Variants in PIEZO1 observed in about 807,000 individuals in gnomAD.
PIEZO1 encodes piezo type mechanosensitive ion channel component 1 (Er blood group).
A neutral mutation model predicts 297.2 loss-of-function variants in PIEZO1; 296 were observed. That is an observed-to-expected ratio of 1.00 (90% CI 0.91 to 1.10). The LOEUF (loss-of-function observed/expected upper bound fraction) is 1.10. Among genes scored for constraint, PIEZO1 ranks in the 50% least tolerant of loss-of-function variants. The pLI, the probability that PIEZO1 is intolerant of heterozygous loss-of-function variation, is 0.00. For synonymous variants in PIEZO1, 2,427 were observed against 1,507.5 expected, an observed-to-expected ratio of 1.61 and a Z score of -14.13; for missense variants, 5,018 against 3,455.5, an observed-to-expected ratio of 1.45 and a Z score of -11.34.
In PIEZO1 at chr16:88,734,008, C is replaced by G. The variant is rs947472326; in HGVS notation, c.2227G>C (p.Glu743Gln). 2 of 1,547,858 alleles carry G rather than the reference C, an allele frequency of 1.3e-6. No homozygotes were observed. The highest frequency in any genetic ancestry group is 2.4e-5 in the South Asian group (2 of 83,908). The change falls in exon 17 of 51, where the codon GAG becomes CAG. Residue 743 changes from glutamate to glutamine, a missense_variant. Physicochemically the swap from Glu to Gln is conservative, Grantham distance 29. Coordinates refer to ENST00000301015, the MANE Select transcript of PIEZO1 (RefSeq NM_001142864.4). ...GTPLLREEQQEHQQQQQEEEE... is the reference protein window; with the variant it reads ...GTPLLREEQQQHQQQQQEEEE... Reference sequence around the variant, plus strand: ...TCCTCCTGCTGCTGCTGCTGATGCTCCTGCTGCTCCTCCCGCAGCAGTGGG... The same window carrying G: ...TCCTCCTGCTGCTGCTGCTGATGCTGCTGCTGCTCCTCCCGCAGCAGTGGG...
At position 88,717,140 on chromosome 16, in the gene PIEZO1, GA is replaced by G. The variant is rs1912106021; in HGVS notation, c.6542del (p.Leu2181ProfsTer34). 6.4e-7 allele frequency: 1 copy of G among 1,551,240 alleles called. No homozygotes were observed. Among genetic ancestry groups the G allele is most frequent in the Non-Finnish European group, 8.7e-7 (1 of 1,147,218 alleles). On this transcript the variant is annotated frameshift_variant, in exon 45 of 51. Coordinates refer to ENST00000301015, the MANE Select transcript of PIEZO1 (RefSeq NM_001142864.4). LOFTEE classifies it high-confidence loss of function. ...GGAACCAGATGATGGCGATGAGGAA[GA>G]GGATGATGAGGCCACCCATGCCGTA... ...VKYGMGGLII[L>X]FLIAIIWFPL... is the part of the protein sequence containing the mutation.
intron 1 of PIEZO1, among the ~76,000 whole-genome samples, chr16:88,765,914 C>A (rs1364270055): frequency 6.6e-6 from 1 of 151,998 alleles, no homozygotes; most frequent in Non-Finnish European, 1.5e-5. Context: ...CCTCAGGTGA[C>A]CCGCCCACCC....
chr16:88,727,586 A>G lies in PIEZO1; in HGVS notation c.3272T>C (p.Phe1091Ser). The G allele has an allele frequency of 1.3e-6, 2 of 1,531,680 alleles. No individual in the cohort carries two copies. Among genetic ancestry groups the G allele is most frequent in the Non-Finnish European group, 1.8e-6 (2 of 1,134,406 alleles). The allele number at this position is 1,531,680 out of a possible 1,614,324, so 94.9% of individuals were successfully genotyped here. Residue 1091 changes from phenylalanine to serine, a missense_variant, in exon 23 of 51, where the codon TTC becomes TCC. Physicochemically the swap from Phe to Ser is radical, Grantham distance 155 (BLOSUM62 -2). Transcript: ENST00000301015. ...GAGGTTGGTGGAGTTGGGGGCCCGG[A>G]AGAAATCAGGCAGGTACAGCCACTT... is the stretch of plus-strand genomic sequence containing the variant. ...LIKWLYLPDF[F>S]RAPNSTNLIS...
intron 1 of PIEZO1, among the ~76,000 whole-genome samples, chr16:88,756,699 T>C (rs1322250682): frequency 6.6e-6 from 1 of 150,934 alleles, no homozygotes; most frequent in Non-Finnish European, 1.5e-5. Flanking sequence ...ACCTGGGAGG[T>C]GGAGGTTGCA....
chr16:88,765,563 C>T (rs1217018022), intron 1 of PIEZO1, among the ~76,000 whole-genome samples: 1 of 152,172 alleles, frequency 6.6e-6, no homozygotes, highest in Non-Finnish European at 1.5e-5. Context: ...AAGCACTGCC[C>T]GGACACGTGG....
intron 12 of PIEZO1, among the ~76,000 whole-genome samples, chr16:88,735,837 A>G (rs991035943): frequency 1.6e-4 from 25 of 152,286 alleles, no homozygotes; most frequent in South Asian, 8.3e-4. Context: ...GCCTGTGCCA[A>G]TGGGCATAGC....
chr16:88,732,559 GCAGCCGGGTACTCGCCCGCC>G, intron 20 of PIEZO1, 24 bp from the exon 21 acceptor site: 1 of 1,543,376 alleles, frequency 6.5e-7, no homozygotes, highest in Non-Finnish European at 8.8e-7. Context: ...GGGTCAGGGG[GCAGCCGGGTACTCGCCCGCC>G]CAGCCGCCCA....
In PIEZO1 at chr16:88,733,595, A is replaced by T; in HGVS notation, c.2480T>A (p.Leu827Gln). 6.5e-7 allele frequency: 1 copy of T among 1,542,960 alleles called. No homozygotes were observed. The highest frequency in any genetic ancestry group is 2.5e-5 in the East Asian group (1 of 40,774). Residue 827 changes from leucine to glutamine, a missense_variant, in exon 18 of 51, where the codon CTG (leucine) becomes CAG (glutamine). Physicochemically the swap from Leu to Gln is moderately radical, Grantham distance 113. Transcript: ENST00000301015. ...LVALYTVWVA[L>Q]KEVSVMNLLL... Reference sequence around the variant, plus strand: ...GTTGCCTGCCACACTCACCTCCTTCAGGGCCACCCAGACGGTGTACAGGGC... The same window carrying T: ...GTTGCCTGCCACACTCACCTCCTTCTGGGCCACCCAGACGGTGTACAGGGC...
intron 1 of PIEZO1, 26 bp downstream of exon 1, chr16:88,784,874 GC>G: frequency 1.5e-5 from 21 of 1,406,730 alleles, no homozygotes; most frequent in South Asian, 2.6e-5. Flanking sequence ...CCCTCCCGTC[GC>G]CCCCAGGCGC....
rs753093630 is a variant in PIEZO1, at chr16:88,716,671, C to A, written c.6814G>T (p.Gly2272Cys). The A allele has an allele frequency of 6.5e-7, 1 of 1,549,088 alleles. No homozygotes were observed. The highest frequency in any genetic ancestry group is 1.4e-5 in the African/African-American group (1 of 73,052). Residue 2272 changes from glycine to cysteine, a missense_variant, in exon 47 of 51, where the codon GGC (glycine) becomes TGC (cysteine). Transcript: ENST00000301015. Reference sequence around the variant, plus strand: ...ATGCGCCACAGCGCCCCGGAGCTGCCCTCAATCTGCGCCGTGACGATGTCC... The same window carrying A: ...ATGCGCCACAGCGCCCCGGAGCTGCACTCAATCTGCGCCGTGACGATGTCC... ...PEDIVTAQIE[G>C]SSGALWRISP...
chr16:88,759,462 C>T (rs537078533), intron 1 of PIEZO1, among the ~76,000 whole-genome samples: 5 of 152,346 alleles, frequency 3.3e-5, no homozygotes, highest in East Asian at 3.9e-4. Context: ...CCTGCAAGAG[C>T]GCTCTCTGCC....
At chr16:88,774,742 T>C (rs1012993483) in intron 1 of PIEZO1, among the ~76,000 whole-genome samples, 2 of 152,084 alleles carry the variant, frequency 1.3e-5, no homozygotes, top group Non-Finnish European at 2.9e-5. Flanking sequence ...AGAGCACTCT[T>C]AGGGTACATG....
In PIEZO1 at chr16:88,733,570, G is replaced by C. The variant is rs986413987; in HGVS notation, c.2487+18C>G. Reference sequence around the variant, plus strand: ...GACCCCACCCCAGATGGGAAGCTGAGTTGCCTGCCACACTCACCTCCTTCA... The same window carrying C: ...GACCCCACCCCAGATGGGAAGCTGACTTGCCTGCCACACTCACCTCCTTCA... On this transcript the variant is annotated intron_variant, in intron 18 of 50. Coordinates refer to ENST00000301015, the MANE Select transcript of PIEZO1 (RefSeq NM_001142864.4). 5 of 1,531,402 alleles carry C rather than the reference G, an allele frequency of 3.3e-6. No homozygotes were observed. In the Admixed American group the frequency reaches 8.0e-5, roughly 24 times the overall value. The allele number at this position is 1,531,402 out of a possible 1,614,324, so 94.9% of individuals were successfully genotyped here.
At chr16:88,752,378 A>G (rs758646378) in intron 1 of PIEZO1, among the ~76,000 whole-genome samples, 4 of 152,184 alleles carry the variant, frequency 2.6e-5, no homozygotes, top group Non-Finnish European at 4.4e-5. Flanking sequence ...GCTACTCAGG[A>G]GGCTGGAGCA....
At chr16:88,780,613 G>C (rs1308019126) in intron 1 of PIEZO1, among the ~76,000 whole-genome samples, 1 of 152,204 alleles carries the variant, frequency 6.6e-6, no homozygotes, top group Non-Finnish European at 1.5e-5. Context: ...CACAAGGAAG[G>C]GCAAACTTGC....
chr16:88,780,542 A>G (rs914052859), intron 1 of PIEZO1, among the ~76,000 whole-genome samples: 1 of 152,220 alleles, frequency 6.6e-6, no homozygotes, highest in Non-Finnish European at 1.5e-5. Context: ...TGTCCATGCC[A>G]GATGTGTGTG....
intron 17 of PIEZO1, 70 bp downstream of exon 17, chr16:88,733,836 C>G: frequency 6.8e-7 from 1 of 1,460,030 alleles, no homozygotes; most frequent in Non-Finnish European, 9.1e-7. Flanking sequence ...GGGGACTCTG[C>G]CAACGCCCCC....
At position 88,715,603 on chromosome 16, in the gene PIEZO1, T is replaced by A. The variant is rs1028089124; in HGVS notation, c.*2A>T. ...TTCCCTCTCGGGCGCCAGCAGCAGC[T>A]CCTACTCCTTCTCACGAGTCCACTT... On this transcript the variant is annotated 3_prime_UTR_variant, in exon 51 of 51. Coordinates refer to ENST00000301015, the MANE Select transcript of PIEZO1 (RefSeq NM_001142864.4). The A allele has an allele frequency of 6.5e-7, 1 of 1,549,332 alleles. No individual in the cohort carries two copies. Among genetic ancestry groups the A allele is most frequent in the East Asian group, 2.4e-5 (1 of 40,900 alleles).
intron 1 of PIEZO1, among the ~76,000 whole-genome samples, chr16:88,766,138 G>A (rs772494074): frequency 5.9e-5 from 9 of 152,340 alleles, no homozygotes; most frequent in Admixed American, 1.3e-4. Flanking sequence ...GCTGGGCCAC[G>A]CTGCCCAGTT....
Sources: allele counts gnomAD v4.1 joint callset (sites outside exome capture counted in the v4.1 genomes callset), GRCh38; gene constraint gnomAD v4.1.1; transcripts MANE v1.5; gene names NCBI Gene and HGNC (gene_info 2026-07-23, HGNC 2026-07-21).